ME3: variants seen among roughly 807,000 people sequenced by gnomAD.
ME3 encodes malic enzyme 3, also known as NADP-dependent malic enzyme, mitochondrial.
In ME3, 48 loss-of-function variants were observed where a neutral mutation model predicts 68.9. The ratio of observed to expected loss-of-function variants is 0.70; its 90% CI spans 0.55 to 0.89. The LOEUF (loss-of-function observed/expected upper bound fraction) is 0.89, where lower values mean the gene tolerates loss of function less well. Ranked by LOEUF, ME3 falls within the 40% of genes least tolerant of loss-of-function variation. The pLI, the probability that ME3 is intolerant of heterozygous loss-of-function variation, is 0.00. For missense variants in ME3, 675 were observed against 797.4 expected (o/e 0.85, Z 1.85); for synonymous variants, 320 against 318.8 (o/e 1.00, Z -0.04).
intron 8 of ME3, among the ~76,000 whole-genome samples, chr11:86,455,999 T>C (rs1240849256): frequency 2.0e-5 from 3 of 152,222 alleles, no homozygotes; most frequent in African/African-American, 7.2e-5. Context: ...TATGTGGCAC[T>C]CCCTATTTTC....
At chr11:86,536,139 T>C (rs1176722808) in intron 4 of ME3, among the ~76,000 whole-genome samples, 1 of 152,194 alleles carries the variant, frequency 6.6e-6, no homozygotes, top group African/African-American at 2.4e-5. Context: ...GGCTGCCTTG[T>C]CTGTTGCACA....
chr11:86,512,275 A>G (rs1173748955), intron 4 of ME3, among the ~76,000 whole-genome samples: 1 of 152,262 alleles, frequency 6.6e-6, no homozygotes. Context: ...AATTCAAAGT[A>G]GAGGCTCTCT....
intron 2 of ME3, 81 bp downstream of exon 2, chr11:86,671,681 T>G: frequency 1.3e-6 from 2 of 1,541,902 alleles, no homozygotes; most frequent in Non-Finnish European, 1.8e-6. Context: ...GGAGGATCCT[T>G]TCTGGGTCCA....
intron 5 of ME3, among the ~76,000 whole-genome samples, chr11:86,505,025 G>T (rs1395059828): frequency 6.6e-6 from 1 of 152,150 alleles, no homozygotes; most frequent in Non-Finnish European, 1.5e-5. Context: ...CCACACTGGG[G>T]GTTTCAGAAG....
chr11:86,521,353 C>G (rs1281521115), intron 4 of ME3, among the ~76,000 whole-genome samples: 1 of 151,304 alleles, frequency 6.6e-6, no homozygotes, highest in Non-Finnish European at 1.5e-5. Flanking sequence ...CGAGACTGCG[C>G]CACTGCACTC....
chr11:86,593,021 A>T (rs1043143092), intron 2 of ME3, among the ~76,000 whole-genome samples: 1 of 152,162 alleles, frequency 6.6e-6, no homozygotes, highest in Non-Finnish European at 1.5e-5. Context: ...ACCCCTCTGC[A>T]TGGGGTTACA....
At chr11:86,591,885 A>C (rs571806015) in intron 2 of ME3, among the ~76,000 whole-genome samples, 18 of 152,260 alleles carry the variant, frequency 1.2e-4, no homozygotes, top group Non-Finnish European at 1.9e-4. Flanking sequence ...AACACGTGGG[A>C]ATTCAAGATG....
At chr11:86,464,613 T>C (rs975920877) in intron 8 of ME3, among the ~76,000 whole-genome samples, 4 of 152,190 alleles carry the variant, frequency 2.6e-5, no homozygotes, top group Non-Finnish European at 5.9e-5. Context: ...TAAAAGCAAG[T>C]TATTATGGCT....
intron 2 of ME3, among the ~76,000 whole-genome samples, chr11:86,614,579 G>T (rs533021968): frequency 1.3e-5 from 2 of 152,104 alleles, no homozygotes; most frequent in African/African-American, 2.4e-5. Context: ...GAGGGACCCA[G>T]GTCTCCAAAT....
intron 7 of ME3, among the ~76,000 whole-genome samples, chr11:86,476,302 G>C (rs1951079890): frequency 6.6e-6 from 1 of 152,218 alleles, no homozygotes; most frequent in Admixed American, 6.5e-5. Context: ...GAGCACGAAG[G>C]CTCTGCCTCT....
At chr11:86,465,494 C>A (rs1950433763) in intron 7 of ME3, among the ~76,000 whole-genome samples, 1 of 152,066 alleles carries the variant, frequency 6.6e-6, no homozygotes, top group Non-Finnish European at 1.5e-5. Flanking sequence ...CTGCCATGGC[C>A]AGCCCTGGGA....
intron 4 of ME3, among the ~76,000 whole-genome samples, chr11:86,521,431 A>AAAAAAATAATAATAATAATAAT (rs1271326906): frequency 4.8e-5 from 7 of 145,924 alleles, no homozygotes; most frequent in South Asian, 2.2e-4. Context: ...AACAAAACAA[A>AAAAAAATAATAATAATAATAAT]AATAATAATA....
At chr11:86,477,790 G>C (rs1004459803) in intron 7 of ME3, among the ~76,000 whole-genome samples, 3 of 152,094 alleles carry the variant, frequency 2.0e-5, no homozygotes, top group Non-Finnish European at 2.9e-5. Context: ...TGGTGCGATG[G>C]AAGTGAAAAT....
chr11:86,482,576 C>T (rs1951472954), intron 7 of ME3, among the ~76,000 whole-genome samples: 1 of 150,114 alleles, frequency 6.7e-6, no homozygotes, highest in East Asian at 1.9e-4. Flanking sequence ...TAACCTCCTC[C>T]CTTGGAATCT....
chr11:86,578,329 T>G (rs1958235163), intron 2 of ME3, among the ~76,000 whole-genome samples: 1 of 152,178 alleles, frequency 6.6e-6, no homozygotes, highest in Non-Finnish European at 1.5e-5. Context: ...AAGTAGCCTC[T>G]TTCCTCCAGC....
chr11:86,658,290 T>G (rs1238077768), intron 2 of ME3, among the ~76,000 whole-genome samples: 2 of 151,880 alleles, frequency 1.3e-5, no homozygotes, highest in Non-Finnish European at 2.9e-5. Context: ...GCCCAGCTAA[T>G]TTTTGTATTT....
At chr11:86,556,735 G>T (rs1363958138) in intron 3 of ME3, 33 bp from the exon 4 acceptor site, 1 of 1,609,084 alleles carries the variant, frequency 6.2e-7, no homozygotes, top group East Asian at 2.2e-5. Context: ...AAGCTGACAT[G>T]TGGTAGCAGC....
the ME3 span, chr11:86,434,959 T>G: frequency 6.6e-6 from 1 of 151,960 alleles, no homozygotes; most frequent in African/African-American, 2.4e-5. Context: ...GTTTTATTGT[T>G]CCTCTTTCAG....
At chr11:86,439,010 A>G (rs751312751), downstream of ME3, among the ~76,000 whole-genome samples, 1 of 152,198 alleles carries the variant, frequency 6.6e-6, no homozygotes, top group Non-Finnish European at 1.5e-5. Flanking sequence ...TATCCCAGTT[A>G]GAAAGGCATC....
Sources: gnomAD v4.1 joint callset for allele counts (sites outside exome capture counted in the v4.1 genomes callset) on GRCh38, gnomAD v4.1.1 for gene constraint, MANE v1.5 for transcripts, NCBI Gene and HGNC (gene_info 2026-07-23, HGNC 2026-07-21) for gene names.